Variants in KCNN2 observed in about 807,000 individuals in gnomAD.
KCNN2 encodes the protein small conductance calcium-activated potassium channel protein 2.
KCNN2 carries 24 observed loss-of-function variants against 55.5 expected under a neutral mutation model. The ratio of observed to expected loss-of-function variants is 0.43; its 90% CI spans 0.31 to 0.61. KCNN2 has a LOEUF of 0.61. KCNN2 is among the 20% of genes least tolerant of loss of function. KCNN2 has a pLI of 0.08. For synonymous variants in KCNN2, 431 were observed against 336.1 expected (o/e 1.28, Z -3.09); for missense variants, 754 against 853.6 (o/e 0.88, Z 1.45).
At chr5:114,110,331 T>C (rs1430537743) in intron 1 of KCNN2, among the ~76,000 whole-genome samples, 1 of 151,800 alleles carries the variant, frequency 6.6e-6, no homozygotes, top group Non-Finnish European at 1.5e-5. Context: ...GTTTTAGGAG[T>C]AGGCTTAGAA....
intron 5 of KCNN2, among the ~76,000 whole-genome samples, chr5:114,486,500 G>A (rs72801872): frequency 0.36 from 55,407 of 151,924 alleles, 11,458 homozygotes; most frequent in Middle Eastern, 0.47. Flanking sequence ...AAATCATAAC[G>A]TAGACTCCGT....
intron 1 of KCNN2, among the ~76,000 whole-genome samples, chr5:114,168,476 C>T (rs1326348177): frequency 6.6e-6 from 1 of 152,074 alleles, no homozygotes; most frequent in Admixed American, 6.6e-5. Flanking sequence ...GCCTGTTTCT[C>T]AAGGCTAATA....
intron 1 of KCNN2, among the ~76,000 whole-genome samples, chr5:114,159,542 C>G (rs1232712450): frequency 1.3e-5 from 2 of 152,148 alleles, no homozygotes; most frequent in African/African-American, 4.8e-5. Flanking sequence ...AGGATTCCCT[C>G]TTTTTCTATT....
At chr5:114,206,867 C>T (rs1193784366) in intron 1 of KCNN2, among the ~76,000 whole-genome samples, 5 of 152,118 alleles carry the variant, frequency 3.3e-5, no homozygotes, top group African/African-American at 7.2e-5. Flanking sequence ...ACCTGTGTTA[C>T]TTCTCAACAA....
Position 114,183,250 on chromosome 5 carries a change from T to C in KCNN2, c.-270-38230T>C, listed in dbSNP as rs557283519. On this transcript the variant is annotated intron_variant, in intron 1 of 10. Coordinates refer to the KCNN2 transcript ENST00000512097. ...ACTTGGCATGAAATCTTATCATTTT[T>C]ATGTATGCTAATATCTTAAAGACTT... Among the ~76,000 whole-genome samples the C allele has an allele frequency of 2.6e-5, 4 of 152,224 alleles. No individual in the cohort carries two copies. In the South Asian group the frequency reaches 6.2e-4, roughly 24 times the overall value.
At chr5:114,219,827 CTT>C (rs1754095503) in intron 1 of KCNN2, among the ~76,000 whole-genome samples, 1 of 152,042 alleles carries the variant, frequency 6.6e-6, no homozygotes, top group African/African-American at 2.4e-5. Context: ...TAAAATTAAT[CTT>C]TAAAGTCTAT....
chr5:114,142,225 G>A (rs1353699052), intron 1 of KCNN2, among the ~76,000 whole-genome samples: 9 of 152,140 alleles, frequency 5.9e-5, no homozygotes, highest in Non-Finnish European at 1.2e-4. Flanking sequence ...GTCCTGAATG[G>A]TATTACCTAG....
At chr5:114,229,696 AC>A (rs1157206505) in intron 2 of KCNN2, among the ~76,000 whole-genome samples, 7 of 152,132 alleles carry the variant, frequency 4.6e-5, no homozygotes, top group African/African-American at 1.7e-4. Context: ...TTTAAAGAAA[AC>A]AAAGGAAACC....
chr5:114,237,980 A>C (rs1231509534), intron 2 of KCNN2, among the ~76,000 whole-genome samples: 2 of 152,140 alleles, frequency 1.3e-5, no homozygotes, highest in Non-Finnish European at 2.9e-5. Context: ...CAGAAGTGAC[A>C]CTTGAGCTCA....
intron 1 of KCNN2, among the ~76,000 whole-genome samples, chr5:114,218,730 C>T (rs571948804): frequency 1.3e-5 from 2 of 152,140 alleles, no homozygotes; most frequent in Non-Finnish European, 2.9e-5. Flanking sequence ...CTATGGACTT[C>T]GGGTGATAAT....
At chr5:114,100,706 A>T (rs903763364) in intron 1 of KCNN2, among the ~76,000 whole-genome samples, 1 of 152,090 alleles carries the variant, frequency 6.6e-6, no homozygotes, top group Non-Finnish European at 1.5e-5. Context: ...GAAAGGAACT[A>T]AGGCTTCTTG....
intron 4 of KCNN2, among the ~76,000 whole-genome samples, chr5:114,466,059 T>A (rs1167602532): frequency 6.6e-6 from 1 of 151,898 alleles, no homozygotes; most frequent in Non-Finnish European, 1.5e-5. Flanking sequence ...ATTTCTTCAT[T>A]ACCAAGACCA....
chr5:114,058,942 G>A (rs1750266920), intron 1 of KCNN2, among the ~76,000 whole-genome samples: 1 of 152,168 alleles, frequency 6.6e-6, no homozygotes, highest in Non-Finnish European at 1.5e-5. Context: ...ACCAGCTCGG[G>A]GGGTCAAGTT....
intron 3 of KCNN2, among the ~76,000 whole-genome samples, chr5:114,438,597 GCAA>G (rs552957488): frequency 9.7e-4 from 147 of 152,108 alleles, no homozygotes; most frequent in Middle Eastern, 6.8e-3. Flanking sequence ...GCCAACAACA[GCAA>G]CAACAACAAC....
chr5:114,250,980 C>G (rs1754846675), intron 2 of KCNN2, among the ~76,000 whole-genome samples: 1 of 152,172 alleles, frequency 6.6e-6, no homozygotes, highest in Non-Finnish European at 1.5e-5. Flanking sequence ...GATTGGCAAG[C>G]TGTATTTATA....
intron 2 of KCNN2, among the ~76,000 whole-genome samples, chr5:114,259,036 T>C (rs1192624387): frequency 6.6e-6 from 1 of 152,166 alleles, no homozygotes; most frequent in Non-Finnish European, 1.5e-5. Context: ...GTTGTGTCTA[T>C]AGCTGTCAGG....
chr5:114,085,067 T>C (rs1432894123), intron 1 of KCNN2, among the ~76,000 whole-genome samples: 3 of 151,336 alleles, frequency 2.0e-5, no homozygotes, highest in African/African-American at 7.3e-5. Context: ...TATATATATA[T>C]ATGTGTGTGT....
intron 3 of KCNN2, among the ~76,000 whole-genome samples, chr5:114,450,367 G>A (rs1198492651): frequency 6.6e-6 from 1 of 152,190 alleles, no homozygotes; most frequent in African/African-American, 2.4e-5. Context: ...CTCACAGTGT[G>A]CACAGGATGC....
intron 2 of KCNN2, among the ~76,000 whole-genome samples, chr5:114,328,632 C>G (rs1356251535): frequency 2.0e-5 from 3 of 152,142 alleles, no homozygotes; most frequent in African/African-American, 7.2e-5. Flanking sequence ...ACCAGCTGCC[C>G]AGTGCCTGGT....
Sources: gnomAD v4.1 joint callset for allele counts (sites outside exome capture counted in the v4.1 genomes callset) on GRCh38, gnomAD v4.1.1 for gene constraint, MANE v1.5 for transcripts, NCBI Gene and HGNC (gene_info 2026-07-23, HGNC 2026-07-21) for gene names.